DDX21: variants seen among roughly 807,000 people sequenced by gnomAD.
DDX21 encodes the protein DExD-box helicase 21.
A neutral mutation model predicts 90.0 loss-of-function variants in DDX21; 18 were observed. The observed-to-expected ratio is 0.20, with a 90% CI of 0.14 to 0.30. The LOEUF (loss-of-function observed/expected upper bound fraction) is 0.30. Ranked by LOEUF, DDX21 falls within the 10% of genes least tolerant of loss-of-function variation. The pLI, the probability that DDX21 is intolerant of heterozygous loss-of-function variation, is 1.00. For synonymous variants in DDX21, 294 were observed against 318.0 expected (o/e 0.92, Z 0.80); for missense variants, 673 against 944.5 (o/e 0.71, Z 3.77).
At chr10:68,956,827 G>A (rs1842804210) in intron 1 of DDX21, 4 of 907,226 alleles carry the variant, frequency 4.4e-6, no homozygotes, top group Non-Finnish European at 5.3e-6. Flanking sequence ...CGGATCATGA[G>A]GTCAGGAGTT....
intron 11 of DDX21, among the ~76,000 whole-genome samples, chr10:68,974,968 A>G (rs182141908): frequency 1.2e-4 from 18 of 152,088 alleles, no homozygotes; most frequent in African/African-American, 4.1e-4. Flanking sequence ...TGCACAGCCT[A>G]TTCTTTTTAA....
At position 68,956,243 on chromosome 10, in the gene DDX21, T is replaced by C; in HGVS notation, c.18T>C (p.Arg6=). The C allele has an allele frequency of 1.2e-6, 2 of 1,613,970 alleles. No homozygotes were observed. Among genetic ancestry groups the C allele is most frequent in the Non-Finnish European group, 1.7e-6 (2 of 1,179,970 alleles). The change falls in exon 1 of 15, where the codon CGT becomes CGC. Residue 6 remains arginine, a synonymous_variant. Coordinates refer to ENST00000354185, the MANE Select transcript of DDX21 (RefSeq NM_004728.4). The stretch of plus-strand genomic sequence containing the variant: ...CGCTGAAGATGCCGGGAAAACTCCG[T>C]AGTGACGCTGGTTTGGAATCAGACA... The part of the protein sequence containing the change: MPGKL[R]SDAGLESDTA...
At position 68,963,315 on chromosome 10, in the gene DDX21, C is replaced by T; in HGVS notation, c.632C>T (p.Pro211Leu). Reference protein sequence around the residue: ...LKGRGVTFLFPIQAKTFHHVY... With the variant: ...LKGRGVTFLFLIQAKTFHHVY... ...GGCCGAGGAGTGACCTTCCTATTTC[C>T]TATACAAGCAAAGACATTCCATCAT... Residue 211 changes from proline to leucine, a missense_variant, in exon 4 of 15, where the codon CCT becomes CTT. Physicochemically the swap from Pro to Leu is moderately conservative, Grantham distance 98 (BLOSUM62 -3). Coordinates refer to ENST00000354185, the MANE Select transcript of DDX21 (RefSeq NM_004728.4). 1 of 1,612,990 alleles carries T rather than the reference C, an allele frequency of 6.2e-7. No individual in the cohort carries two copies. The highest frequency in any genetic ancestry group is 8.5e-7 in the Non-Finnish European group (1 of 1,179,586).
In DDX21 at chr10:68,983,465, C is replaced by CTAA. The variant is rs1843224029; in HGVS notation, c.*654_*655insAAT. 6.6e-6 allele frequency: 1 copy of CTAA among 152,158 alleles called. No homozygotes were observed. Among genetic ancestry groups the CTAA allele is most frequent in the Admixed American group, 6.6e-5 (1 of 15,256 alleles). 9.4% of individuals were successfully genotyped at this position (152,158 alleles called of 1,614,324 possible). On this transcript the variant is annotated 3_prime_UTR_variant, in exon 15 of 15. Coordinates refer to ENST00000354185, the MANE Select transcript of DDX21 (RefSeq NM_004728.4). ...GCTTCTCATTATAAGGTGATTCATG[C>CTAA]TTTAGTGAATTCTTCATAGATAGTA...
chr10:68,960,296 C>A, intron 2 of DDX21, 47 bp downstream of exon 2: 1 of 1,534,122 alleles, frequency 6.5e-7, no homozygotes, highest in South Asian at 1.3e-5. Flanking sequence ...ATTGTTGTTT[C>A]AGATAAATAA....
chr10:68,982,670 A>C lies in DDX21; in HGVS notation c.2210A>C (p.Gln737Pro). The C allele has an allele frequency of 6.2e-7, 1 of 1,614,044 alleles. No individual in the cohort carries two copies. Among genetic ancestry groups the C allele is most frequent in the South Asian group, 1.1e-5 (1 of 91,082 alleles). The change falls in exon 15 of 15, where the codon CAG becomes CCG. Residue 737 changes from glutamine (Q) to proline (P), a missense_variant. Gln to Pro is a moderately conservative substitution (Grantham distance 76). Around this residue, in one of 4 missense-constraint regions of DDX21, gnomAD observed 225 missense variants for 298.8 expected, o/e 0.75. Transcript: ENST00000354185. ...GAAGGCAGTCGAGGCTTCAGGGGAC[A>C]GCGGGACGGAAACAGAAGATTCAGA... ...QREGSRGFRG[Q>P]RDGNRRFRGQ...
Position 68,967,158 on chromosome 10 carries a change from T to C in DDX21, c.1045T>C (p.Phe349Leu). 6.2e-7 allele frequency: 1 copy of C among 1,610,156 alleles called. No homozygotes were observed. The highest frequency in any genetic ancestry group is 8.5e-7 in the Non-Finnish European group (1 of 1,178,330). ...AGTGGACCAGATGTTGGATATGGGA[T>C]TTGCTGATCAAGTGGAAGAGATTTT... ...DEVDQMLDMG[F>L]ADQVEEILSV... is the part of the protein sequence containing the mutation. Residue 349 changes from phenylalanine (F) to leucine (L), a missense_variant, in exon 6 of 15, where the codon TTT (phenylalanine) becomes CTT (leucine). By Grantham distance (22) the Phe-to-Leu change is conservative (BLOSUM62 0). Around this residue, in one of 4 missense-constraint regions of DDX21, gnomAD observed 218 missense variants for 347.3 expected, o/e 0.63. Transcript: ENST00000354185.
rs532736102 is a variant in DDX21, at chr10:68,965,478, T to C, written c.888T>C (p.Thr296=). The C allele has an allele frequency of 5.0e-6, 8 of 1,613,272 alleles. No individual in the cohort carries two copies. Among genetic ancestry groups the C allele is most frequent in the Non-Finnish European group, 6.8e-6 (8 of 1,179,622 alleles). The change falls in exon 5 of 15, where the codon ACT becomes ACC. Residue 296 remains threonine, a synonymous_variant. Coordinates refer to ENST00000354185, the MANE Select transcript of DDX21 (RefSeq NM_004728.4). ...KLSVACFYGG[T]PYGGQFERMR... ...CAGTGGCTTGTTTTTATGGTGGAAC[T>C]CCCTATGGAGGTCAATGTGAGTACA...
At chr10:68,960,414 T>G (rs924846455) in intron 2 of DDX21, among the ~76,000 whole-genome samples, 165 bp downstream of exon 2, 1 of 152,190 alleles carries the variant, frequency 6.6e-6, no homozygotes, top group East Asian at 1.9e-4. Flanking sequence ...TCTTAAAAAT[T>G]AGCATACGAC....
At position 68,974,649 on chromosome 10, in the gene DDX21, CTG is replaced by C. The variant is rs1843070173; in HGVS notation, c.1669-18_1669-17del. On this transcript the variant is annotated intron_variant, in intron 10 of 14. Transcript: ENST00000354185. ...CAATTGATGGCCACTGTACATTAAA[CTG>C]TGGTTCATTTTCCTGTAGGGAATTA... 1.2e-6 allele frequency: 2 copies of C among 1,608,648 alleles called. No homozygotes were observed. Among genetic ancestry groups the C allele is most frequent in the Non-Finnish European group, 1.7e-6 (2 of 1,175,362 alleles).
intron 7 of DDX21, 66 bp from the exon 8 acceptor site, chr10:68,970,135 T>G: frequency 1.4e-6 from 2 of 1,435,166 alleles, no homozygotes; most frequent in Non-Finnish European, 1.9e-6. Context: ...TCACTGATCA[T>G]TGTGTTGTGA....
chr10:68,960,376 G>C (rs914991949), intron 2 of DDX21, 127 bp downstream of exon 2: 1 of 965,738 alleles, frequency 1.0e-6, no homozygotes, highest in Non-Finnish European at 1.4e-6. Flanking sequence ...TGTGGGTTGG[G>C]GGATACCTTA....
At chr10:68,965,713 C>T (rs1052022922) in intron 5 of DDX21, among the ~76,000 whole-genome samples, 3 of 152,110 alleles carry the variant, frequency 2.0e-5, no homozygotes, top group Admixed American at 6.5e-5. Context: ...TTATATTTAT[C>T]TAGGGGCTAC....
chr10:68,963,269 AAC>A lies in DDX21; in HGVS notation c.608-18_608-17del. 1 of 1,592,738 alleles carries A rather than the reference AAC, an allele frequency of 6.3e-7. No homozygotes were observed. Among genetic ancestry groups the A allele is most frequent in the Non-Finnish European group, 8.6e-7 (1 of 1,169,226 alleles). ...TGTTTTAAGAATTGCAGTGTGAGAT[AAC>A]ACAGTTAATTTGTTCATAGGCCGAG... On this transcript the variant is annotated intron_variant, in intron 3 of 14. Transcript: ENST00000354185.
chr10:68,967,317 G>T lies in DDX21; in HGVS notation c.1090+114G>T, dbSNP rs186456331. 5.7e-4 allele frequency: 594 copies of T among 1,035,006 alleles called. 1 individual carries two copies. Among genetic ancestry groups the T allele is most frequent in the Non-Finnish European group, 7.6e-4 (549 of 726,746 alleles). The allele number at this position is 1,035,006 out of a possible 1,614,324, so 64.1% of individuals were successfully genotyped here. On this transcript the variant is annotated intron_variant, in intron 6 of 14. Coordinates refer to ENST00000354185, the MANE Select transcript of DDX21 (RefSeq NM_004728.4). ...GCCACCCTAGTAACTGGGATTACAG[G>T]CACCCACCACCACGCCTGGCCTCGT...
chr10:68,965,392 C>T lies in DDX21; in HGVS notation c.802C>T (p.Pro268Ser). 1.9e-6 allele frequency: 3 copies of T among 1,613,634 alleles called. No homozygotes were observed. Among genetic ancestry groups the T allele is most frequent in the Non-Finnish European group, 2.5e-6 (3 of 1,179,806 alleles). ...TCTTTATCAGGTACTGGTTCTTGCA[C>T]CTACAAGAGAGTTGGCAAATCAAGT... ...GRAPQVLVLA[P>S]TRELANQVSK... is the part of the protein sequence containing the mutation. The change falls in exon 5 of 15, where the codon CCT (proline) becomes TCT (serine). Residue 268 changes from proline (P) to serine (S), a missense_variant. By Grantham distance (74) the Pro-to-Ser change is moderately conservative. This residue lies in a region of DDX21 where 218 missense variants were observed against 347.3 expected (regional missense o/e 0.63). Coordinates refer to ENST00000354185, the MANE Select transcript of DDX21 (RefSeq NM_004728.4).
intron 1 of DDX21, among the ~76,000 whole-genome samples, chr10:68,958,022 ATTTAT>A (rs1017719523): frequency 2.0e-5 from 3 of 152,274 alleles, no homozygotes; most frequent in Admixed American, 6.5e-5. Flanking sequence ...CTTGTAACTT[ATTTAT>A]TTTATTTTAA....
At chr10:68,967,351 T>A in intron 6 of DDX21, 148 bp downstream of exon 6, 1 of 740,808 alleles carries the variant, frequency 1.3e-6, no homozygotes, top group Non-Finnish European at 2.1e-6. Flanking sequence ...GTATTTTTAG[T>A]AGAGATGGGG....
intron 1 of DDX21, chr10:68,956,551 G>C (rs1223387220): frequency 2.2e-6 from 3 of 1,362,270 alleles, no homozygotes; most frequent in Non-Finnish European, 2.9e-6. Context: ...TGAGCTTATA[G>C]GCATCCACAG....
Sources: gnomAD v4.1 joint callset for allele counts (sites outside exome capture counted in the v4.1 genomes callset) on GRCh38, gnomAD v4.1.1 for gene constraint, gnomAD v4.1.1 regional missense constraint, MANE v1.5 for transcripts, NCBI Gene and HGNC (gene_info 2026-07-23, HGNC 2026-07-21) for gene names.